FBXO15: variants seen among roughly 807,000 people sequenced by gnomAD.
The protein encoded by FBXO15 is F-box only protein 15.
A neutral mutation model predicts 49.5 loss-of-function variants in FBXO15; 30 were observed. The ratio of observed to expected loss-of-function variants is 0.61; its 90% CI spans 0.45 to 0.82. FBXO15 has a LOEUF of 0.82. FBXO15 is among the 40% of genes least tolerant of loss of function. The probability of loss-of-function intolerance (pLI) is 0.00; values close to 1 mark genes in which losing one functional copy is unlikely to be tolerated. For missense variants in FBXO15, 591 were observed against 631.5 expected (o/e 0.94, Z 0.69); for synonymous variants, 250 against 232.7 (o/e 1.07, Z -0.68).
At chr18:74,141,549 T>C (rs978354668) in intron 1 of FBXO15, among the ~76,000 whole-genome samples, 10 of 152,136 alleles carry the variant, frequency 6.6e-5, no homozygotes, top group African/African-American at 2.2e-4. Flanking sequence ...TCCCCAGATA[T>C]AGTTGAAACA....
rs771405127 is a variant in FBXO15 at position 74,073,643 on chromosome 18, C to G, written c.1351G>C (p.Ala451Pro). 1.2e-6 allele frequency: 2 copies of G among 1,614,176 alleles called. No homozygotes were observed. The highest frequency in any genetic ancestry group is 4.5e-5 in the East Asian group (2 of 44,882). Residue 451 changes from alanine to proline, a missense_variant, in exon 10 of 10, where the codon GCC (alanine) becomes CCC (proline). Coordinates refer to ENST00000419743, the MANE Select transcript of FBXO15 (RefSeq NM_001142958.2). Reference sequence around the variant, plus strand: ...AAGCTAGAGCTGTCAGAGGGTGTGGCAGGCGATCTCAGGCACACCGGGGAA... The same window carrying G: ...AAGCTAGAGCTGTCAGAGGGTGTGGGAGGCGATCTCAGGCACACCGGGGAA... ...FSSPVCLRSP[A>P]TPSDSSSFLG...
intron 1 of FBXO15, among the ~76,000 whole-genome samples, chr18:74,142,639 G>A (rs1979154955): frequency 6.6e-6 from 1 of 151,970 alleles, no homozygotes; most frequent in Non-Finnish European, 1.5e-5. Context: ...CTTCCCTCTA[G>A]GCATATCTGT....
At chr18:74,123,796 T>C (rs1185872783) in intron 7 of FBXO15, among the ~76,000 whole-genome samples, 1 of 152,018 alleles carries the variant, frequency 6.6e-6, no homozygotes, top group Non-Finnish European at 1.5e-5. Context: ...GGCCACTCTA[T>C]AAAAGCCACT....
chr18:74,115,267 A>T (rs939657159), intron 8 of FBXO15, among the ~76,000 whole-genome samples: 4 of 152,192 alleles, frequency 2.6e-5, no homozygotes, highest in African/African-American at 9.7e-5. Flanking sequence ...CTGGTCAGCC[A>T]ATGAGGTGAT....
rs147483711 is a variant in FBXO15 at position 74,082,000 on chromosome 18, T to C, written c.1190A>G (p.Asn397Ser). 7 of 1,613,068 alleles carry C rather than the reference T, an allele frequency of 4.3e-6. No homozygotes were observed. The African/African-American group carries it at 8.0e-5, about 18-fold the overall frequency. Residue 397 changes from asparagine (N) to serine (S), a missense_variant, in exon 9 of 10, where the codon AAC becomes AGC. Transcript: ENST00000419743. ...TCCAATAAGAGGTAGGTGTTCTCTG[T>C]TATTTTTTAAATGTATAACAATGAG... ...VKLIVIHLKN[N>S]REHLPLIGKV...
At chr18:74,096,829 G>C (rs968103709) in intron 8 of FBXO15, among the ~76,000 whole-genome samples, 8 of 152,300 alleles carry the variant, frequency 5.3e-5, no homozygotes, top group African/African-American at 1.9e-4. Context: ...AAGGAAAGAT[G>C]AGAAAAGACA....
chr18:74,083,545 A>T (rs1463382755), intron 8 of FBXO15, among the ~76,000 whole-genome samples: 3 of 152,240 alleles, frequency 2.0e-5, no homozygotes, highest in African/African-American at 7.2e-5. Flanking sequence ...CTCATCTTCC[A>T]CACAGCTTGT....
intron 6 of FBXO15, among the ~76,000 whole-genome samples, chr18:74,125,358 T>C (rs1473178460): frequency 1.3e-5 from 2 of 152,232 alleles, no homozygotes; most frequent in Non-Finnish European, 2.9e-5. Flanking sequence ...AGGATGGTGT[T>C]GTCTGAAGCT....
At chr18:74,118,598 T>C (rs981352222) in intron 8 of FBXO15, among the ~76,000 whole-genome samples, 2 of 152,052 alleles carry the variant, frequency 1.3e-5, no homozygotes, top group Non-Finnish European at 2.9e-5. Flanking sequence ...CAATGTAAAA[T>C]TATTTCAAAA....
intron 3 of FBXO15, among the ~76,000 whole-genome samples, chr18:74,135,020 A>T (rs554084047): frequency 6.6e-6 from 1 of 152,276 alleles, no homozygotes; most frequent in African/African-American, 2.4e-5. Context: ...TAAAAAGCCA[A>T]GATGTTCTGT....
chr18:74,128,609 T>A (rs917107323), intron 5 of FBXO15, among the ~76,000 whole-genome samples: 10 of 152,262 alleles, frequency 6.6e-5, no homozygotes, highest in African/African-American at 2.4e-4. Context: ...ATTTGCAATA[T>A]ATCTTATATA....
chr18:74,121,000 C>T (rs1914442525), intron 8 of FBXO15, among the ~76,000 whole-genome samples: 1 of 152,052 alleles, frequency 6.6e-6, no homozygotes, highest in Non-Finnish European at 1.5e-5. Context: ...TCACTAGATT[C>T]TATAGACATG....
chr18:74,123,240 TG>T, intron 8 of FBXO15, 127 bp downstream of exon 8: 1 of 1,001,120 alleles, frequency 1.0e-6, no homozygotes, highest in Non-Finnish European at 1.5e-6. Context: ...CACACGGGTC[TG>T]GGAGGATACT....
intron 9 of FBXO15, among the ~76,000 whole-genome samples, chr18:74,080,751 G>A (rs1029709612): frequency 1.3e-5 from 2 of 152,206 alleles, no homozygotes; most frequent in Non-Finnish European, 2.9e-5. Flanking sequence ...TCAGAACTGG[G>A]ATAAAGCTTT....
At chr18:74,104,390 A>G (rs567629616) in intron 8 of FBXO15, among the ~76,000 whole-genome samples, 2 of 152,302 alleles carry the variant, frequency 1.3e-5, no homozygotes, top group Non-Finnish European at 2.9e-5. Flanking sequence ...CAAAACAACC[A>G]GAAAACAAGC....
At chr18:74,114,763 TGAAAA>T (rs1914159190) in intron 8 of FBXO15, among the ~76,000 whole-genome samples, 1 of 152,216 alleles carries the variant, frequency 6.6e-6, no homozygotes, top group Admixed American at 6.5e-5. Context: ...CATTTTTCTT[TGAAAA>T]GAAATTAGAT....
chr18:74,073,826 C>T (rs1314608739), intron 9 of FBXO15, 96 bp from the exon 10 acceptor site: 24 of 1,433,640 alleles, frequency 1.7e-5, no homozygotes, highest in East Asian at 4.6e-5. Context: ...AGAAATGCTG[C>T]GTGTGGCATC....
At chr18:74,135,737 A>G in intron 3 of FBXO15, 25 bp downstream of exon 3, 1 of 1,557,224 alleles carries the variant, frequency 6.4e-7, no homozygotes, top group African/African-American at 1.4e-5. Flanking sequence ...ATCAAAACAT[A>G]ACAGAGACTT....
At chr18:74,145,614 T>TTTTTA (rs1979359339) in intron 1 of FBXO15, among the ~76,000 whole-genome samples, 1 of 143,822 alleles carries the variant, frequency 7.0e-6, no homozygotes, top group Non-Finnish European at 1.5e-5. Flanking sequence ...TTTTTTTTTT[T>TTTTTA]TGCGACAGAG....
Sources: gnomAD v4.1 joint callset for allele counts (sites outside exome capture counted in the v4.1 genomes callset) on GRCh38, gnomAD v4.1.1 for gene constraint, MANE v1.5 for transcripts, NCBI Gene and HGNC (gene_info 2026-07-23, HGNC 2026-07-21) for gene names.